The following MED4 variants were observed in gnomAD, a reference collection of about 807,000 sequenced individuals.
MED4 encodes mediator of RNA polymerase II transcription subunit 4.
In MED4, 21 loss-of-function variants were observed where a neutral mutation model predicts 35.0. The ratio of observed to expected loss-of-function variants is 0.60; its 90% CI spans 0.43 to 0.86. The LOEUF (loss-of-function observed/expected upper bound fraction) is 0.86, where lower values mean the gene tolerates loss of function less well. MED4 is among the 40% of genes least tolerant of loss of function. The pLI is 0.00. For synonymous variants in MED4, 138 were observed against 114.0 expected (o/e 1.21, Z -1.34); for missense variants, 300 against 319.4 (o/e 0.94, Z 0.46).
chr13:48,090,596 AC>A (rs1191867805), intron 1 of MED4, among the ~76,000 whole-genome samples, 178 bp from the exon 2 acceptor site: 1 of 152,216 alleles, frequency 6.6e-6, no homozygotes, highest in Non-Finnish European at 1.5e-5. Context: ...AATAGCTATC[AC>A]CTAAATGCCA....
intron 3 of MED4, among the ~76,000 whole-genome samples, chr13:48,085,802 T>C (rs113380745): frequency 6.6e-6 from 1 of 152,218 alleles, no homozygotes. Context: ...CCTTGATCTA[T>C]GTCCAAATCC....
At position 48,077,234 on chromosome 13, in the gene MED4, A is replaced by T; in HGVS notation, c.718T>A (p.Phe240Ile). 1 of 1,600,796 alleles carries T rather than the reference A, an allele frequency of 6.2e-7. No homozygotes were observed. The highest frequency in any genetic ancestry group is 2.3e-5 in the East Asian group (1 of 44,310). The change falls in exon 7 of 7, where the codon TTT becomes ATT. Residue 240 changes from phenylalanine to isoleucine, a missense_variant. By Grantham distance (21) the Phe-to-Ile change is conservative. Transcript: ENST00000258648. ...TTATGCCCAGGAGGTTCCAACAAAA[A>T]GTCACTACTATGATTTGGTGGTAAC... ...NMLPPNHSSDFLLEPPGHNKE... is the reference protein window; with the variant it reads ...NMLPPNHSSDILLEPPGHNKE...
At position 48,087,799 on chromosome 13, in the gene MED4, C is replaced by G. The variant is rs531415688; in HGVS notation, c.193-1347G>C. 4.8e-4 allele frequency among the ~76,000 whole-genome samples: 73 copies of G among 151,488 alleles called. 2 individuals carry two copies. The South Asian group carries it at 0.011, about 23-fold the overall frequency. ...CAGGAGGCGGAGGTTGCTGTGAACC[C>G]AGATCACGCCACTGCACTCCAGCCT... is the stretch of plus-strand genomic sequence containing the variant. On this transcript the variant is annotated intron_variant, in intron 2 of 6. Transcript: ENST00000258648.
At chr13:48,093,197 G>A (rs1272999387) in intron 1 of MED4, among the ~76,000 whole-genome samples, 5 of 152,258 alleles carry the variant, frequency 3.3e-5, no homozygotes, top group African/African-American at 1.2e-4. Flanking sequence ...TAACAGGCTG[G>A]TGTGGAAAAC....
In MED4 at chr13:48,095,102, C is replaced by T. The variant is rs769197598; in HGVS notation, c.-24G>A. 1.9e-6 allele frequency: 3 copies of T among 1,600,490 alleles called. No individual in the cohort carries two copies. Among genetic ancestry groups the T allele is most frequent in the East Asian group, 4.5e-5 (2 of 44,858 alleles). On this transcript the variant is annotated 5_prime_UTR_variant, in exon 1 of 7. Coordinates refer to ENST00000258648, the MANE Select transcript of MED4 (RefSeq NM_014166.4). ...ATTTTCCCCAGAGTCCCGCCACCGG[C>T]GCACGCGCAGAGCGAGCTGACGCAG...
intron 3 of MED4, among the ~76,000 whole-genome samples, chr13:48,084,106 C>G (rs544260912): frequency 6.6e-6 from 1 of 152,022 alleles, no homozygotes; most frequent in African/African-American, 2.4e-5. Flanking sequence ...ACTAAAAATA[C>G]AAAAAATTTA....
chr13:48,079,719 T>C, intron 6 of MED4, 125 bp downstream of exon 6: 2 of 1,209,928 alleles, frequency 1.7e-6, no homozygotes, highest in Non-Finnish European at 2.3e-6. Flanking sequence ...CAAGACTGTC[T>C]CAAATTTACA....
intron 1 of MED4, among the ~76,000 whole-genome samples, chr13:48,092,364 G>A (rs1950895804): frequency 6.6e-6 from 1 of 151,976 alleles, no homozygotes; most frequent in African/African-American, 2.4e-5. Flanking sequence ...CGCCGGCCTC[G>A]GCCTCCCAAA....
chr13:48,079,784 A>T (rs1950790473), intron 6 of MED4, 60 bp downstream of exon 6: 9 of 1,565,898 alleles, frequency 5.7e-6, no homozygotes, highest in Non-Finnish European at 7.8e-6. Flanking sequence ...CAGATATTCC[A>T]ACCTTGTCAT....
At chr13:48,080,159 G>A (rs1182699797) in intron 5 of MED4, among the ~76,000 whole-genome samples, 184 bp from the exon 6 acceptor site, 3 of 152,210 alleles carry the variant, frequency 2.0e-5, no homozygotes, top group Non-Finnish European at 4.4e-5. Context: ...CACTTTAGGA[G>A]GACGAGGTGG....
At chr13:48,080,125 A>G (rs2137828724) in intron 5 of MED4, 150 bp from the exon 6 acceptor site, 1 of 795,808 alleles carries the variant, frequency 1.3e-6, no homozygotes, top group East Asian at 3.2e-5. Flanking sequence ...GGCCAGGTGC[A>G]GTGGCTCACG....
At chr13:48,082,262 T>C (rs1227372388) in intron 4 of MED4, among the ~76,000 whole-genome samples, 1 of 152,186 alleles carries the variant, frequency 6.6e-6, no homozygotes, top group Non-Finnish European at 1.5e-5. Flanking sequence ...ATATGTGTAT[T>C]TGTATTTTTA....
chr13:48,084,807 T>G (rs1411091698), intron 3 of MED4, among the ~76,000 whole-genome samples: 2 of 151,704 alleles, frequency 1.3e-5, no homozygotes, highest in Non-Finnish European at 2.9e-5. Context: ...AAGTATTACA[T>G]ACATAAGGAT....
intron 3 of MED4, 27 bp downstream of exon 3, chr13:48,086,255 C>T: frequency 1.2e-6 from 2 of 1,605,242 alleles, no homozygotes; most frequent in South Asian, 1.1e-5. Context: ...CCTTTTTAAC[C>T]TTAAGAACCA....
intron 5 of MED4, among the ~76,000 whole-genome samples, chr13:48,080,949 G>C (rs997702910): frequency 1.3e-5 from 2 of 152,136 alleles, no homozygotes; most frequent in African/African-American, 2.4e-5. Context: ...ACAAAAACTT[G>C]ACCAGATTTG....
intron 1 of MED4, chr13:48,093,671 A>G: frequency 2.3e-6 from 1 of 443,352 alleles, no homozygotes; most frequent in Non-Finnish European, 4.6e-6. Flanking sequence ...TATAGGCGTG[A>G]GCCACCACAC....
At chr13:48,082,220 C>T (rs1033063800) in intron 4 of MED4, among the ~76,000 whole-genome samples, 3 of 151,864 alleles carry the variant, frequency 2.0e-5, no homozygotes, top group South Asian at 2.1e-4. Context: ...ATAATATGTA[C>T]GGTATGACCC....
chr13:48,094,844 GC>G, intron 1 of MED4, 109 bp downstream of exon 1: 1 of 1,479,740 alleles, frequency 6.8e-7, no homozygotes, highest in Non-Finnish European at 9.1e-7. Context: ...AAACTCCCGA[GC>G]TGGCCCTCCC....
chr13:48,088,100 T>C (rs1260501776), intron 2 of MED4, among the ~76,000 whole-genome samples: 1 of 152,188 alleles, frequency 6.6e-6, no homozygotes, highest in Admixed American at 6.5e-5. Flanking sequence ...ATTCATGATA[T>C]ATTGCACTTT....
Sources: allele counts gnomAD v4.1 joint callset (sites outside exome capture counted in the v4.1 genomes callset), GRCh38; gene constraint gnomAD v4.1.1; transcripts MANE v1.5; gene names NCBI Gene and HGNC (gene_info 2026-07-23, HGNC 2026-07-21).